The following NME7 variants were observed in gnomAD, a reference collection of about 807,000 sequenced individuals.
NME7 encodes the protein nucleoside diphosphate kinase 7.
Under a neutral mutation model 49.1 loss-of-function variants are expected in NME7, and 41 were observed. The ratio of observed to expected loss-of-function variants is 0.83; its 90% CI spans 0.65 to 1.08. The LOEUF (loss-of-function observed/expected upper bound fraction) is 1.08, where lower values mean the gene tolerates loss of function less well. NME7 is among the 50% of genes least tolerant of loss of function. The pLI is 0.00. For synonymous variants in NME7, 139 were observed against 150.6 expected (o/e 0.92, Z 0.56); for missense variants, 423 against 463.4 (o/e 0.91, Z 0.80).
intron 7 of NME7, among the ~76,000 whole-genome samples, chr1:169,244,054 TAC>T (rs1571320468): frequency 6.6e-6 from 1 of 151,914 alleles, no homozygotes; most frequent in African/African-American, 2.4e-5. Flanking sequence ...TGCAAAAATA[TAC>T]ATATGTGTAT....
intron 10 of NME7, among the ~76,000 whole-genome samples, chr1:169,186,383 G>T (rs12127305): frequency 6.6e-6 from 1 of 151,898 alleles, no homozygotes; most frequent in Non-Finnish European, 1.5e-5. Context: ...GCTCTGAGGG[G>T]TTTGACTATG....
intron 9 of NME7, among the ~76,000 whole-genome samples, chr1:169,232,106 G>A (rs538451164): frequency 3.3e-5 from 5 of 152,084 alleles, no homozygotes; most frequent in African/African-American, 2.4e-5. Flanking sequence ...ATATAAACTT[G>A]GTGAGGAGAA....
intron 7 of NME7, among the ~76,000 whole-genome samples, chr1:169,249,193 C>G (rs1192603586): frequency 6.6e-6 from 1 of 151,974 alleles, no homozygotes; most frequent in African/African-American, 2.4e-5. Context: ...TTGTAGAGAT[C>G]TTTTACCTCC....
At chr1:169,245,153 CA>C (rs1648257412) in intron 7 of NME7, among the ~76,000 whole-genome samples, 1 of 151,964 alleles carries the variant, frequency 6.6e-6, no homozygotes, top group African/African-American at 2.4e-5. Flanking sequence ...AAAAATAAAA[CA>C]AATAAACAGA....
intron 10 of NME7, among the ~76,000 whole-genome samples, chr1:169,230,227 A>G (rs1007757777): frequency 2.0e-5 from 3 of 152,148 alleles, no homozygotes; most frequent in African/African-American, 7.2e-5. Context: ...GCACTGTTAA[A>G]TGTCCAAGAA....
intron 7 of NME7, among the ~76,000 whole-genome samples, chr1:169,282,659 C>G (rs542255484): frequency 6.6e-6 from 1 of 152,126 alleles, no homozygotes; most frequent in African/African-American, 2.4e-5. Flanking sequence ...TCTTCGTTCT[C>G]ATTGGTTTCA....
intron 1 of NME7, among the ~76,000 whole-genome samples, chr1:169,341,333 G>A (rs576880633): frequency 6.6e-6 from 1 of 152,236 alleles, no homozygotes. Flanking sequence ...TTGCAGGTAC[G>A]CAGAAGACAA....
At chr1:169,200,039 C>T (rs1660502982) in intron 10 of NME7, among the ~76,000 whole-genome samples, 1 of 150,652 alleles carries the variant, frequency 6.6e-6, no homozygotes, top group African/African-American at 2.4e-5. Flanking sequence ...TACTGAAAGT[C>T]AACTACACAC....
chr1:169,166,869 G>A (rs957122628), intron 11 of NME7, among the ~76,000 whole-genome samples: 2 of 152,186 alleles, frequency 1.3e-5, no homozygotes, highest in African/African-American at 4.8e-5. Flanking sequence ...CTATGCAGGA[G>A]GCTGAGGCTG....
chr1:169,195,940 A>G (rs753508105), intron 10 of NME7, among the ~76,000 whole-genome samples: 6 of 152,208 alleles, frequency 3.9e-5, no homozygotes, highest in South Asian at 2.1e-4. Context: ...AAAACCAAAT[A>G]TAGTAGGATA....
At chr1:169,223,040 G>T (rs12735330) in intron 10 of NME7, among the ~76,000 whole-genome samples, 6 of 152,070 alleles carry the variant, frequency 3.9e-5, no homozygotes. Flanking sequence ...ATCACATGCT[G>T]CATTTAGATA....
intron 10 of NME7, among the ~76,000 whole-genome samples, chr1:169,179,200 T>C (rs1659856066): frequency 1.3e-5 from 2 of 152,094 alleles, no homozygotes; most frequent in Admixed American, 6.5e-5. Context: ...AAAAAACATA[T>C]GAAATAAAGC....
At chr1:169,279,335 C>T (rs947123079) in intron 7 of NME7, among the ~76,000 whole-genome samples, 1 of 152,218 alleles carries the variant, frequency 6.6e-6, no homozygotes, top group Non-Finnish European at 1.5e-5. Context: ...CTGTGGTGGG[C>T]TCCACCCAGT....
At chr1:169,340,662 T>G (rs970075600) in intron 1 of NME7, among the ~76,000 whole-genome samples, 3 of 152,200 alleles carry the variant, frequency 2.0e-5, no homozygotes, top group African/African-American at 7.2e-5. Flanking sequence ...CTGACAGTGA[T>G]ATGGACAATG....
intron 7 of NME7, among the ~76,000 whole-genome samples, chr1:169,281,723 T>A (rs901826561): frequency 2.0e-5 from 3 of 152,314 alleles, no homozygotes; most frequent in South Asian, 2.1e-4. Flanking sequence ...TTTTTTGTCA[T>A]TGGTTTTGTT....
intron 1 of NME7, among the ~76,000 whole-genome samples, chr1:169,337,316 C>A (rs1267183791): frequency 1.3e-5 from 2 of 152,196 alleles, no homozygotes; most frequent in South Asian, 2.1e-4. Flanking sequence ...CAGCTGCTGG[C>A]CCGGGTGCTA....
chr1:169,246,293 G>A (rs780984391), intron 7 of NME7, among the ~76,000 whole-genome samples: 4 of 152,136 alleles, frequency 2.6e-5, no homozygotes, highest in East Asian at 1.9e-4. Context: ...GTGACAGAGC[G>A]AGACCGTGTC....
At chr1:169,308,475 C>G (rs1260160856) in intron 4 of NME7, among the ~76,000 whole-genome samples, 1 of 152,134 alleles carries the variant, frequency 6.6e-6, no homozygotes, top group African/African-American at 2.4e-5. Context: ...ACATTCCTGT[C>G]CCTAGAGACA....
chr1:169,230,436 A>G (rs1322311814), intron 10 of NME7, among the ~76,000 whole-genome samples: 2 of 152,166 alleles, frequency 1.3e-5, no homozygotes, highest in Non-Finnish European at 2.9e-5. Flanking sequence ...AAGCTTGCAA[A>G]ATGTATTTAC....
Sources: gnomAD v4.1 joint callset for allele counts (sites outside exome capture counted in the v4.1 genomes callset) on GRCh38, gnomAD v4.1.1 for gene constraint, MANE v1.5 for transcripts, NCBI Gene and HGNC (gene_info 2026-07-23, HGNC 2026-07-21) for gene names.